Variants in BABAM2 observed in about 807,000 individuals in gnomAD.
The protein encoded by BABAM2 is BRISC and BRCA1-A complex member 2.
In BABAM2, 31 loss-of-function variants were observed where a neutral mutation model predicts 54.7. The ratio of observed to expected loss-of-function variants is 0.57; its 90% CI spans 0.43 to 0.77. The LOEUF (loss-of-function observed/expected upper bound fraction) is 0.77. BABAM2 is among the 30% of genes least tolerant of loss of function. The pLI is 0.00. For missense variants in BABAM2, 364 were observed against 455.8 expected (o/e 0.80, Z 1.83); for synonymous variants, 167 against 162.9 (o/e 1.03, Z -0.19).
At chr2:28,286,559 C>T (rs922461534) in intron 10 of BABAM2, among the ~76,000 whole-genome samples, 26 of 152,190 alleles carry the variant, frequency 1.7e-4, no homozygotes, top group Admixed American at 1.6e-3. Flanking sequence ...CTGCTTAATA[C>T]TTTTCCCTCT....
chr2:27,967,518 T>C (rs1001087416), intron 3 of BABAM2, among the ~76,000 whole-genome samples: 8 of 152,100 alleles, frequency 5.3e-5, no homozygotes, highest in Admixed American at 5.2e-4. Flanking sequence ...AGCCTGAAAA[T>C]GGACTAATAC....
intron 6 of BABAM2, among the ~76,000 whole-genome samples, chr2:28,088,459 G>T (rs992697346): frequency 7.2e-5 from 11 of 152,166 alleles, no homozygotes; most frequent in Admixed American, 2.6e-4. Flanking sequence ...GGGCTTAAAG[G>T]TGACTGCTCT....
chr2:28,084,507 C>T (rs1665466939), intron 6 of BABAM2, among the ~76,000 whole-genome samples: 1 of 152,050 alleles, frequency 6.6e-6, no homozygotes, highest in African/African-American at 2.4e-5. Context: ...AATTACTTTC[C>T]TCTTTTCTAG....
At chr2:28,197,284 C>A (rs1172159185) in intron 7 of BABAM2, among the ~76,000 whole-genome samples, 3 of 152,190 alleles carry the variant, frequency 2.0e-5, no homozygotes, top group African/African-American at 4.8e-5. Flanking sequence ...CCGGCTGATA[C>A]ATATCCTGAC....
intron 10 of BABAM2, among the ~76,000 whole-genome samples, chr2:28,279,132 C>T (rs893609367): frequency 6.6e-6 from 1 of 152,122 alleles, no homozygotes; most frequent in Non-Finnish European, 1.5e-5. Context: ...GGTTGGAATT[C>T]CTTGGTATGG....
At chr2:28,328,305 G>A (rs915166816) in intron 11 of BABAM2, among the ~76,000 whole-genome samples, 4 of 152,174 alleles carry the variant, frequency 2.6e-5, no homozygotes, top group Admixed American at 2.6e-4. Context: ...ACCACAATCG[G>A]TTTTCATATG....
At chr2:28,076,765 C>T (rs1664724331) in intron 6 of BABAM2, among the ~76,000 whole-genome samples, 1 of 152,120 alleles carries the variant, frequency 6.6e-6, no homozygotes. Context: ...TTCGGCCTCC[C>T]AAAGTGAGAT....
chr2:28,285,633 A>G (rs1434795200), intron 10 of BABAM2, among the ~76,000 whole-genome samples: 1 of 152,138 alleles, frequency 6.6e-6, no homozygotes, highest in African/African-American at 2.4e-5. Context: ...CTTACATCCA[A>G]TCCCAAACTT....
chr2:27,903,752 C>T (rs930349680), intron 2 of BABAM2, among the ~76,000 whole-genome samples: 2 of 152,158 alleles, frequency 1.3e-5, no homozygotes, highest in African/African-American at 4.8e-5. Flanking sequence ...GTTATTTTTG[C>T]AATTTGAGGT....
intron 3 of BABAM2, among the ~76,000 whole-genome samples, chr2:27,978,075 T>C (rs778647213): frequency 3.9e-5 from 6 of 152,166 alleles, no homozygotes; most frequent in Admixed American, 6.5e-5. Flanking sequence ...CCTCCAAATA[T>C]CATGTTGAAA....
chr2:28,302,287 C>T (rs1185773391), intron 11 of BABAM2, among the ~76,000 whole-genome samples: 1 of 151,986 alleles, frequency 6.6e-6, no homozygotes, highest in Non-Finnish European at 1.5e-5. Flanking sequence ...CATGCTGGCA[C>T]AAGCCTATAA....
intron 7 of BABAM2, among the ~76,000 whole-genome samples, chr2:28,167,153 A>T (rs765593866): frequency 1.3e-5 from 2 of 152,184 alleles, no homozygotes; most frequent in Non-Finnish European, 2.9e-5. Flanking sequence ...TATGTTCTTC[A>T]TTCTGATTGT....
intron 10 of BABAM2, among the ~76,000 whole-genome samples, chr2:28,248,493 G>GCCA (rs1183199386): frequency 6.6e-6 from 1 of 152,058 alleles, no homozygotes; most frequent in Non-Finnish European, 1.5e-5. Flanking sequence ...ACAGGCGTGA[G>GCCA]CCACCGCGCC....
chr2:28,214,965 A>T (rs1210315349), intron 7 of BABAM2, among the ~76,000 whole-genome samples: 3 of 152,120 alleles, frequency 2.0e-5, no homozygotes, highest in African/African-American at 7.2e-5. Flanking sequence ...GCAATTTGGG[A>T]TATGAATTCA....
At chr2:28,256,057 C>T (rs943572191) in intron 10 of BABAM2, among the ~76,000 whole-genome samples, 2 of 151,858 alleles carry the variant, frequency 1.3e-5, no homozygotes, top group Admixed American at 6.6e-5. Context: ...GTGTATTTTG[C>T]GTAAAATAAA....
rs554025066 is a variant in BABAM2, at chr2:28,073,827, G to T, written c.570+28028G>T. ...AGTAAGATTGTTTTTAACTTTTTGG[G>T]GAGTGGGGGAGGTACTCTTACAAAG... On this transcript the variant is annotated intron_variant, in intron 6 of 11. Transcript: ENST00000379624. Among the ~76,000 whole-genome samples, 3 of 152,120 alleles carry T rather than the reference G, an allele frequency of 2.0e-5. No homozygotes were observed. In the South Asian group the frequency reaches 6.2e-4, roughly 32 times the overall value.
intron 7 of BABAM2, among the ~76,000 whole-genome samples, chr2:28,133,913 A>C (rs1283176745): frequency 6.6e-6 from 1 of 152,156 alleles, no homozygotes; most frequent in Non-Finnish European, 1.5e-5. Context: ...CTGTTTGCCC[A>C]GGGTCGTGGA....
At chr2:28,011,249 T>C (rs1674375712) in intron 4 of BABAM2, among the ~76,000 whole-genome samples, 1 of 151,974 alleles carries the variant, frequency 6.6e-6, no homozygotes, top group African/African-American at 2.4e-5. Context: ...AGAGGTAGAG[T>C]TTTTAGGGAG....
intron 7 of BABAM2, among the ~76,000 whole-genome samples, chr2:28,203,388 A>C (rs962514619): frequency 2.0e-5 from 3 of 152,108 alleles, no homozygotes; most frequent in South Asian, 4.1e-4. Context: ...ATGAGTACCA[A>C]ATAATTCCTG....
Sources: gnomAD v4.1 joint callset for allele counts (sites outside exome capture counted in the v4.1 genomes callset) on GRCh38, gnomAD v4.1.1 for gene constraint, MANE v1.5 for transcripts, NCBI Gene and HGNC (gene_info 2026-07-23, HGNC 2026-07-21) for gene names.